Variants in HPSE2 observed in about 807,000 individuals in gnomAD.
The protein encoded by HPSE2 is inactive heparanase-2.
A neutral mutation model predicts 60.5 loss-of-function variants in HPSE2; 38 were observed. The observed-to-expected ratio is 0.63, with a 90% CI of 0.48 to 0.82. The LOEUF (loss-of-function observed/expected upper bound fraction) is 0.82, where lower values mean the gene tolerates loss of function less well. Ranked by LOEUF, HPSE2 falls within the 40% of genes least tolerant of loss-of-function variation. The probability of loss-of-function intolerance (pLI) is 0.00; values close to 1 mark genes in which losing one functional copy is unlikely to be tolerated. For missense variants in HPSE2, 713 were observed against 740.4 expected (o/e 0.96, Z 0.43); for synonymous variants, 295 against 293.2 (o/e 1.01, Z -0.06).
chr10:98,689,475 C>T (rs1948017386), intron 6 of HPSE2, among the ~76,000 whole-genome samples: 1 of 152,130 alleles, frequency 6.6e-6, no homozygotes, highest in Admixed American at 6.5e-5. Context: ...TGATATTTCT[C>T]CAGGCTAATA....
intron 2 of HPSE2, among the ~76,000 whole-genome samples, chr10:99,155,987 C>G (rs1450876786): frequency 2.0e-5 from 3 of 151,398 alleles, no homozygotes; most frequent in Non-Finnish European, 4.4e-5. Context: ...CGCAAATAAA[C>G]TAGAAAATCT....
At chr10:98,641,204 C>T (rs944826494) in intron 7 of HPSE2, among the ~76,000 whole-genome samples, 1 of 151,998 alleles carries the variant, frequency 6.6e-6, no homozygotes, top group African/African-American at 2.4e-5. Flanking sequence ...AAAATAAACC[C>T]CTCCAAAAAA....
At position 99,053,719 on chromosome 10, in the gene HPSE2, CTTTTTTTTTTTTT is replaced by C. The variant is rs11301458; in HGVS notation, c.610+90506_610+90518del. 4.3e-4 allele frequency among the ~76,000 whole-genome samples: 25 copies of C among 57,808 alleles called. 2 individuals carry two copies. Among genetic ancestry groups the C allele is most frequent in the African/African-American group, 1.5e-3 (19 of 12,782 alleles). 37.9% of individuals were successfully genotyped at this position (57,808 alleles called of 152,430 possible). A position where few individuals can be genotyped will look rare whatever the true frequency, so the allele number is the denominator to read the frequency against. On this transcript the variant is annotated intron_variant, in intron 3 of 11. Coordinates refer to ENST00000370552, the MANE Select transcript of HPSE2 (RefSeq NM_021828.5). ...TGAATTAAGTACAGAGAGTTACAGTCTTTTTTTTTTTTTTTTTTTTTTTTTTTTGAGACAGAGT... is the reference window on the plus strand; with the variant it reads ...TGAATTAAGTACAGAGAGTTACAGTCTTTTTTTTTTTTTTTGAGACAGAGT...
intron 2 of HPSE2, among the ~76,000 whole-genome samples, chr10:99,175,078 C>T (rs1174995068): frequency 4.6e-5 from 7 of 152,108 alleles, no homozygotes; most frequent in East Asian, 1.9e-4. Context: ...CAGTGCATTC[C>T]GGCCCAGATA....
intron 6 of HPSE2, among the ~76,000 whole-genome samples, chr10:98,647,458 C>T (rs934171483): frequency 6.6e-6 from 1 of 152,160 alleles, no homozygotes; most frequent in African/African-American, 2.4e-5. Context: ...ACTTATTTTG[C>T]TCCCTGCTAG....
At chr10:98,918,327 G>A (rs1467847749) in intron 3 of HPSE2, among the ~76,000 whole-genome samples, 2 of 151,994 alleles carry the variant, frequency 1.3e-5, no homozygotes, top group Non-Finnish European at 2.9e-5. Flanking sequence ...TCCCATTACT[G>A]GGTATATATC....
At chr10:99,176,309 AATAAT>A (rs1847524672) in intron 2 of HPSE2, among the ~76,000 whole-genome samples, 1 of 152,140 alleles carries the variant, frequency 6.6e-6, no homozygotes, top group Non-Finnish European at 1.5e-5. Context: ...GAAGGTGGGT[AATAAT>A]AAAGTCCTCC....
At chr10:98,994,112 C>A (rs943135047) in intron 3 of HPSE2, among the ~76,000 whole-genome samples, 1 of 152,158 alleles carries the variant, frequency 6.6e-6, no homozygotes, top group Non-Finnish European at 1.5e-5. Flanking sequence ...CTTAATTCAC[C>A]ATTTTCTTGC....
chr10:98,872,873 T>C (rs1952770929), intron 3 of HPSE2, among the ~76,000 whole-genome samples: 1 of 152,202 alleles, frequency 6.6e-6, no homozygotes. Context: ...AGTAAACTTG[T>C]ATGAATAAAC....
chr10:99,189,348 T>C (rs1848140336), intron 2 of HPSE2, among the ~76,000 whole-genome samples: 2 of 152,206 alleles, frequency 1.3e-5, no homozygotes, highest in Admixed American at 1.3e-4. Context: ...TAAGTTTAAA[T>C]GGAAGATACC....
the HPSE2 span, among the ~76,000 whole-genome samples, chr10:99,283,717 T>C: frequency 1.9e-4 from 29 of 152,190 alleles, no homozygotes; most frequent in East Asian, 5.0e-3. Context: ...AAGAGAATAC[T>C]ATGAATAACT....
At chr10:98,670,256 C>T (rs1947471903) in intron 6 of HPSE2, among the ~76,000 whole-genome samples, 1 of 152,042 alleles carries the variant, frequency 6.6e-6, no homozygotes, top group Non-Finnish European at 1.5e-5. Context: ...GGATTTTGAG[C>T]AGAGGAATGG....
Position 98,962,341 on chromosome 10 carries a change from C to T in HPSE2, c.610+181897G>A, listed in dbSNP as rs1296373115. ...CTGTAAATTACCTTGGGCAGTATGG[C>T]CATTTTCACGATATTGATTCTTCCT... On this transcript the variant is annotated intron_variant, in intron 3 of 11. Coordinates refer to ENST00000370552, the MANE Select transcript of HPSE2 (RefSeq NM_021828.5). Among the ~76,000 whole-genome samples, 13 of 148,484 alleles carry T rather than the reference C, an allele frequency of 8.8e-5. No individual in the cohort carries two copies. In the South Asian group the frequency reaches 2.4e-3, roughly 27 times the overall value.
At chr10:98,888,135 AACACAC>A (rs3043548) in intron 3 of HPSE2, among the ~76,000 whole-genome samples, 2,755 of 140,748 alleles carry the variant, frequency 0.02, 85 homozygotes, top group African/African-American at 0.061. Flanking sequence ...TTTTAAAACA[AACACAC>A]ACACACACAC....
chr10:98,952,425 T>C (rs1564686010), intron 3 of HPSE2, among the ~76,000 whole-genome samples: 1 of 151,454 alleles, frequency 6.6e-6, no homozygotes, highest in Non-Finnish European at 1.5e-5. Context: ...GAAGGTGGGC[T>C]GCAAAAATGT....
intron 3 of HPSE2, among the ~76,000 whole-genome samples, chr10:98,909,796 A>G (rs1953929962): frequency 6.6e-6 from 1 of 152,150 alleles, no homozygotes; most frequent in Non-Finnish European, 1.5e-5. Context: ...TAAAACTTTA[A>G]AAAAATAAAC....
intron 2 of HPSE2, among the ~76,000 whole-genome samples, chr10:99,210,616 A>G (rs1308138185): frequency 6.6e-6 from 1 of 152,238 alleles, no homozygotes; most frequent in East Asian, 1.9e-4. Context: ...ATGATTCAAC[A>G]TACACAAATC....
At chr10:99,058,750 T>C (rs562448606) in intron 3 of HPSE2, among the ~76,000 whole-genome samples, 1 of 152,170 alleles carries the variant, frequency 6.6e-6, no homozygotes, top group African/African-American at 2.4e-5. Context: ...CACAAACATA[T>C]ATGTGTTTGT....
At chr10:98,781,880 T>TA (rs1950479859) in intron 3 of HPSE2, among the ~76,000 whole-genome samples, 1 of 149,872 alleles carries the variant, frequency 6.7e-6, no homozygotes, top group Admixed American at 6.7e-5. Flanking sequence ...GTACAAAGAT[T>TA]TATATATATG....
Sources: allele counts gnomAD v4.1 joint callset (sites outside exome capture counted in the v4.1 genomes callset), GRCh38; gene constraint gnomAD v4.1.1; transcripts MANE v1.5; gene names NCBI Gene and HGNC (gene_info 2026-07-23, HGNC 2026-07-21).